Variants in F2RL2 observed in about 807,000 individuals in gnomAD.
The protein encoded by F2RL2 is coagulation factor II thrombin receptor like 2.
In F2RL2, 4 loss-of-function variants were observed where a neutral mutation model predicts 4.3. The observed-to-expected ratio is 0.93, with a 90% CI of 0.46 to 2.12. The LOEUF is 2.12. F2RL2 is among the 30% of genes most tolerant of loss of function. The pLI is 0.02. For missense variants in F2RL2, 408 were observed against 449.3 expected, an observed-to-expected ratio of 0.91 and a Z score of 0.83; for synonymous variants, 166 against 170.9, an observed-to-expected ratio of 0.97 and a Z score of 0.22.
rs1227653087 is a variant in F2RL2, at chr5:76,616,893, TA to T, written c.*688del. 6.6e-6 allele frequency: 1 copy of T among 151,568 alleles called. No individual in the cohort carries two copies. Among genetic ancestry groups the T allele is most frequent in the African/African-American group, 2.4e-5 (1 of 41,224 alleles). 9.4% of individuals were successfully genotyped at this position (151,568 alleles called of 1,614,324 possible). On this transcript the variant is annotated 3_prime_UTR_variant, in exon 2 of 2. Transcript: ENST00000296641. ...AAAAGAAGGCAAAGGTGAAACTAGA[TA>T]AAAGACCCTGGTGAGGGACCCTACA...
rs1749563995 is a variant in F2RL2, at chr5:76,620,669, G to GAA, written c.65-2028_65-2027insTT. Among the ~76,000 whole-genome samples the GAA allele has an allele frequency of 2.0e-5, 3 of 152,276 alleles. No individual in the cohort carries two copies. In the East Asian group the frequency reaches 5.8e-4, roughly 29 times the overall value. ...CATGGAGGCTCTCGTTTAATTTAAT[G>GAA]GGAGTGGTTGAGATGGCCTAGGGGG... On this transcript the variant is annotated intron_variant, in intron 1 of 1. Coordinates refer to ENST00000296641, the MANE Select transcript of F2RL2 (RefSeq NM_004101.4).
Position 76,618,338 on chromosome 5 carries a change from G to T in F2RL2, c.369C>A (p.Thr123=). 3.7e-6 allele frequency: 6 copies of T among 1,614,160 alleles called. No individual in the cohort carries two copies. Among genetic ancestry groups the T allele is most frequent in the Middle Eastern group, 1.6e-4 (1 of 6,062 alleles). ...AGAATACAGTGGTACAGATGGATCT[G>T]GTCCTGAAGAAAAGCATCCACAGGG... ...AVTLWMLFFR[T]RSICTTVFYT... Residue 123 remains threonine, a synonymous_variant, in exon 2 of 2, where the codon ACC becomes ACA. Coordinates refer to ENST00000296641, the MANE Select transcript of F2RL2 (RefSeq NM_004101.4).
rs1749902239 is a variant in F2RL2, at chr5:76,623,360, T to C, written c.-130A>G. ...CTGTCTGTAGAAGTTTGCTCTCCTG[T>C]GCCGTGCAGGCAGGAAACTTGCCCT... On this transcript the variant is annotated 5_prime_UTR_variant, in exon 1 of 2. Transcript: ENST00000296641. 2.8e-6 allele frequency: 3 copies of C among 1,083,374 alleles called. No individual in the cohort carries two copies. Among genetic ancestry groups the C allele is most frequent in the Admixed American group, 2.3e-5 (1 of 43,530 alleles). The allele number at this position is 1,083,374 out of a possible 1,614,324, so 67.1% of individuals were successfully genotyped here.
rs1307515293 is a variant in F2RL2, at chr5:76,618,446, G to A, written c.261C>T (p.Tyr87=). The change falls in exon 2 of 2, where the codon TAC becomes TAT. Residue 87 remains tyrosine (Y), a synonymous_variant. Transcript: ENST00000296641. ...HLHVKNATMG[Y]LTSSLSTKLI... is the part of the protein sequence containing the mutation. ...GTTTAGTACTTAAGGAGCTGGTCAG[G>A]TACCCCATGGTAGCATTTTTCACAT... 2 of 1,614,170 alleles carry A rather than the reference G, an allele frequency of 1.2e-6. No homozygotes were observed. Among genetic ancestry groups the A allele is most frequent in the African/African-American group, 1.3e-5 (1 of 75,030 alleles).
Position 76,617,699 on chromosome 5 carries a change from T to C in F2RL2, c.1008A>G (p.Leu336=). ...ANYYYNNTDG[L]YFIYLIALCL... ...ACAAAGCTATGAGATATATAAAATA[T>C]AAGCCATCAGTGTTGTTGTAGTAGT... Residue 336 remains leucine (L), a synonymous_variant, in exon 2 of 2, where the codon TTA becomes TTG. Coordinates refer to ENST00000296641, the MANE Select transcript of F2RL2 (RefSeq NM_004101.4). The C allele has an allele frequency of 1.9e-6, 3 of 1,614,086 alleles. No homozygotes were observed. The highest frequency in any genetic ancestry group is 2.5e-6 in the Non-Finnish European group (3 of 1,179,986).
chr5:76,618,661 A>G lies in F2RL2; in HGVS notation c.65-19T>C. The G allele has an allele frequency of 7.7e-6, 12 of 1,563,880 alleles. No individual in the cohort carries two copies. The highest frequency in any genetic ancestry group is 1.1e-5 in the South Asian group (1 of 89,066). On this transcript the variant is annotated intron_variant, in intron 1 of 1. Coordinates refer to ENST00000296641, the MANE Select transcript of F2RL2 (RefSeq NM_004101.4). ...TCCATGCCTGTAATTGAAAGAAAGT[A>G]TTAACATAAATGTATAGTTCAAGAG...
intron 1 of F2RL2, among the ~76,000 whole-genome samples, chr5:76,619,188 TC>T (rs988677115): frequency 1.3e-5 from 2 of 152,166 alleles, no homozygotes; most frequent in African/African-American, 4.8e-5. Context: ...TTAAATAAAA[TC>T]CATTTCTATC....
In F2RL2 at chr5:76,617,705, A is replaced by G. The variant is rs1749120860; in HGVS notation, c.1002T>C (p.Asp334=). ...HHANYYYNNT[D]GLYFIYLIAL... is the part of the protein sequence containing the mutation. Reference sequence around the variant, plus strand: ...CTATGAGATATATAAAATATAAGCCATCAGTGTTGTTGTAGTAGTAGTTAG... The same window carrying G: ...CTATGAGATATATAAAATATAAGCCGTCAGTGTTGTTGTAGTAGTAGTTAG... The change falls in exon 2 of 2, where the codon GAT becomes GAC. Residue 334 remains aspartate (D), a synonymous_variant. Coordinates refer to ENST00000296641, the MANE Select transcript of F2RL2 (RefSeq NM_004101.4). The G allele has an allele frequency of 6.2e-7, 1 of 1,614,144 alleles. No individual in the cohort carries two copies. Among genetic ancestry groups the G allele is most frequent in the Non-Finnish European group, 8.5e-7 (1 of 1,180,000 alleles).
Position 76,617,591 on chromosome 5 carries a change from A to G in F2RL2, c.1116T>C (p.Leu372=), listed in dbSNP as rs1393632710. ...CTCTAAGATCATTTCACTATTTTGT[A>G]AGGTAAGCAGTGGAGTGATTTCTGG... ...SKTRNHSTAY[L]TK The change falls in exon 2 of 2, where the codon CTT becomes CTC. Residue 372 remains leucine, a synonymous_variant. Coordinates refer to ENST00000296641, the MANE Select transcript of F2RL2 (RefSeq NM_004101.4). 2 of 1,606,604 alleles carry G rather than the reference A, an allele frequency of 1.2e-6. No individual in the cohort carries two copies. The highest frequency in any genetic ancestry group is 1.7e-6 in the Non-Finnish European group (2 of 1,176,478).
chr5:76,619,708 C>T (rs1194438846), intron 1 of F2RL2, among the ~76,000 whole-genome samples: 1 of 151,818 alleles, frequency 6.6e-6, no homozygotes, highest in Admixed American at 6.6e-5. Flanking sequence ...TTAGTAGAGA[C>T]AGGGTTTCAC....
rs2150356989 is a variant in F2RL2 at position 76,618,370 on chromosome 5, C to T, written c.337G>A (p.Ala113Thr). 1 of 1,614,212 alleles carries T rather than the reference C, an allele frequency of 6.2e-7. No homozygotes were observed. Among genetic ancestry groups the T allele is most frequent in the Non-Finnish European group, 8.5e-7 (1 of 1,180,032 alleles). The change falls in exon 2 of 2, where the codon GCT becomes ACT. Residue 113 changes from alanine (A) to threonine (T), a missense_variant. Physicochemically the swap from Ala to Thr is moderately conservative, Grantham distance 58. Coordinates refer to ENST00000296641, the MANE Select transcript of F2RL2 (RefSeq NM_004101.4). ...LVFVVGVPAN[A>T]VTLWMLFFRT... ...AAGAAAAGCATCCACAGGGTCACAGCATTGGCCGGGACACCAACTACAAAC... is the reference window on the plus strand; with the variant it reads ...AAGAAAAGCATCCACAGGGTCACAGTATTGGCCGGGACACCAACTACAAAC...
chr5:76,617,519 T>C lies in F2RL2; in HGVS notation c.*63A>G. On this transcript the variant is annotated 3_prime_UTR_variant, in exon 2 of 2. Coordinates refer to ENST00000296641, the MANE Select transcript of F2RL2 (RefSeq NM_004101.4). The stretch of plus-strand genomic sequence containing the variant: ...GAAATGGAGCTCCTTGCACTATGCT[T>C]ATGTTGTTCTTGAAAACAGACGTTC... 7.7e-7 allele frequency: 1 copy of C among 1,298,992 alleles called. No individual in the cohort carries two copies. The highest frequency in any genetic ancestry group is 1.1e-6 in the Non-Finnish European group (1 of 929,616). 80.5% of individuals were successfully genotyped at this position (1,298,992 alleles called of 1,614,324 possible). A position where few individuals can be genotyped will look rare whatever the true frequency, so the allele number is the denominator to read the frequency against.
rs1748970976 is a variant in F2RL2, at chr5:76,616,380, G to A, written c.*1202C>T. On this transcript the variant is annotated 3_prime_UTR_variant, in exon 2 of 2. Transcript: ENST00000296641. Reference sequence around the variant, plus strand: ...CTATATCATAAGCAAGGTTTAATGGGAAGTGTGATTAGCAAGTTAGCCTTG... The same window carrying A: ...CTATATCATAAGCAAGGTTTAATGGAAAGTGTGATTAGCAAGTTAGCCTTG... 6.6e-6 allele frequency: 1 copy of A among 152,650 alleles called. No homozygotes were observed. The highest frequency in any genetic ancestry group is 2.1e-4 in the South Asian group (1 of 4,830). The allele number at this position is 152,650 out of a possible 1,614,324, so 9.5% of individuals were successfully genotyped here. A position where few individuals can be genotyped will look rare whatever the true frequency, so the allele number is the denominator to read the frequency against.
In F2RL2 at chr5:76,618,640, T is replaced by C. The variant is rs1449763107; in HGVS notation, c.67A>G (p.Met23Val). 1.2e-6 allele frequency: 2 copies of C among 1,605,876 alleles called. No homozygotes were observed. The highest frequency in any genetic ancestry group is 1.7e-6 in the Non-Finnish European group (2 of 1,174,874). ...GCCAAGTTGTTTGTATCATTTTCCA[T>C]GCCTGTAATTGAAAGAAAGTATTAA... The part of the protein sequence containing the change: ...LLLPTFCQSG[M>V]ENDTNNLAKP... Residue 23 changes from methionine (M) to valine (V), a missense_variant and splice_region_variant, in exon 2 of 2, where the codon ATG becomes GTG. Coordinates refer to ENST00000296641, the MANE Select transcript of F2RL2 (RefSeq NM_004101.4).
chr5:76,623,110 T>C (rs1749869715), intron 1 of F2RL2, 57 bp downstream of exon 1: 1 of 1,540,632 alleles, frequency 6.5e-7, no homozygotes, highest in Non-Finnish European at 9.0e-7. Flanking sequence ...TTCAGTTGAC[T>C]CTTAATTTGT....
intron 1 of F2RL2, among the ~76,000 whole-genome samples, chr5:76,619,380 C>T (rs1749362804): frequency 6.6e-6 from 1 of 152,110 alleles, no homozygotes. Context: ...CAATTTTGAA[C>T]AGAGGAATGA....
intron 1 of F2RL2, among the ~76,000 whole-genome samples, chr5:76,621,038 GC>G (rs1749611164): frequency 6.6e-6 from 1 of 152,142 alleles, no homozygotes; most frequent in African/African-American, 2.4e-5. Flanking sequence ...AGACTTCTAT[GC>G]CAAATATAAA....
At chr5:76,618,672 T>C in intron 1 of F2RL2, 30 bp from the exon 2 acceptor site, 1 of 1,514,104 alleles carries the variant, frequency 6.6e-7, no homozygotes, top group Non-Finnish European at 9.1e-7. Context: ...TTAACATAAA[T>C]GTATAGTTCA....
intron 1 of F2RL2, among the ~76,000 whole-genome samples, chr5:76,619,439 A>G (rs562401732): frequency 6.6e-6 from 1 of 152,102 alleles, no homozygotes; most frequent in East Asian, 1.9e-4. Context: ...TCTACCTGCT[A>G]ATTCCTGGAA....
Sources: gnomAD v4.1 joint callset for allele counts (sites outside exome capture counted in the v4.1 genomes callset) on GRCh38, gnomAD v4.1.1 for gene constraint, MANE v1.5 for transcripts, NCBI Gene and HGNC (gene_info 2026-07-23, HGNC 2026-07-21) for gene names.